The following GTF2H4 variants were observed in gnomAD, a reference collection of about 807,000 sequenced individuals.
GTF2H4 encodes the protein general transcription factor IIH subunit 4.
In GTF2H4, 49 loss-of-function variants were observed where a neutral mutation model predicts 62.2. The ratio of observed to expected loss-of-function variants is 0.79; its 90% CI spans 0.63 to 1.00. The LOEUF is 1.00. Ranked by LOEUF, GTF2H4 falls within the 50% of genes least tolerant of loss-of-function variation. The pLI, the probability that GTF2H4 is intolerant of heterozygous loss-of-function variation, is 0.00. For missense variants in GTF2H4, 479 were observed against 587.8 expected (o/e 0.81, Z 1.91); for synonymous variants, 189 against 233.8 (o/e 0.81, Z 1.75).
chr6:30,909,000 G>T lies in GTF2H4; in HGVS notation c.-3-34G>T, dbSNP rs915073164. The T allele has an allele frequency of 3.7e-6, 6 of 1,612,848 alleles. No homozygotes were observed. The African/African-American group carries it at 6.7e-5, about 18-fold the overall frequency. ...GTCAGGGGTGACACTGGCATGGATG[G>T]TGAGGTTGCACTTCTGACGTTTGCA... On this transcript the variant is annotated intron_variant, in intron 1 of 13. Coordinates refer to ENST00000259895, the MANE Select transcript of GTF2H4 (RefSeq NM_001517.5).
Position 30,914,012 on chromosome 6 carries a change from CGGGCGGGACT to C in GTF2H4, c.*37_*46del. 2 of 615,088 alleles carry C rather than the reference CGGGCGGGACT, an allele frequency of 3.3e-6. No homozygotes were observed. The highest frequency in any genetic ancestry group is 5.8e-6 in the Non-Finnish European group (2 of 346,410). 38.1% of individuals were successfully genotyped at this position (615,088 alleles called of 1,614,324 possible). The stretch of plus-strand genomic sequence containing the variant: ...CGCGGGACTTGGACACGGACCTCGG[CGGGCGGGACT>C]GGGCGGGGCGGGGCATCAGAACTCA... On this transcript the variant is annotated 3_prime_UTR_variant, in exon 14 of 14. Coordinates refer to ENST00000259895, the MANE Select transcript of GTF2H4 (RefSeq NM_001517.5).
In GTF2H4 at chr6:30,911,987, AG is replaced by A; in HGVS notation, c.826-25del. On this transcript the variant is annotated intron_variant, in intron 9 of 13. Coordinates refer to ENST00000259895, the MANE Select transcript of GTF2H4 (RefSeq NM_001517.5). This position sits in a 1 kb window ranked among gnomAD's most constrained non-coding sequence, Gnocchi z 4.3. ...ATGTAAGGCAGTGACTTCTGAGACA[AG>A]GCATCTGCCTTTCTATTCTTTTCAG... 1.9e-6 allele frequency: 3 copies of A among 1,610,952 alleles called. No individual in the cohort carries two copies. The highest frequency in any genetic ancestry group is 2.5e-6 in the Non-Finnish European group (3 of 1,179,010).
In GTF2H4 at chr6:30,911,187, C is replaced by T; in HGVS notation, c.590C>T (p.Thr197Ile). Residue 197 changes from threonine (T) to isoleucine (I), a missense_variant, in exon 7 of 14, where the codon ACT (threonine) becomes ATT (isoleucine). Transcript: ENST00000259895. The surrounding 1 kb of genome is among the most constrained non-coding windows in gnomAD (Gnocchi z 4.3). Reference sequence around the variant, plus strand: ...GAACCTGGAGAGCCGCCCTGCATTACTTCCGCTGGCTTCCAGTTCCTGTTG... The same window carrying T: ...GAACCTGGAGAGCCGCCCTGCATTATTTCCGCTGGCTTCCAGTTCCTGTTG... Reference protein sequence around the residue: ...STEPGEPPCITSAGFQFLLLD... With the variant: ...STEPGEPPCIISAGFQFLLLD... 1 of 1,613,720 alleles carries T rather than the reference C, an allele frequency of 6.2e-7. No individual in the cohort carries two copies. The highest frequency in any genetic ancestry group is 1.3e-5 in the African/African-American group (1 of 75,048).
Position 30,912,226 on chromosome 6 carries a change from T to G in GTF2H4, c.958+80T>G. On this transcript the variant is annotated intron_variant, in intron 10 of 13. Coordinates refer to ENST00000259895, the MANE Select transcript of GTF2H4 (RefSeq NM_001517.5). This position sits in a 1 kb window ranked among gnomAD's most constrained non-coding sequence, Gnocchi z 4.8. ...GTTTATGTTCGTGTTTACCTGGCAG[T>G]CTACAGAGCTCTCTGACATTTCTCA... is the stretch of plus-strand genomic sequence containing the variant. 6.2e-7 allele frequency: 1 copy of G among 1,600,086 alleles called. No homozygotes were observed. Among genetic ancestry groups the G allele is most frequent in the Non-Finnish European group, 8.5e-7 (1 of 1,171,642 alleles).
chr6:30,911,402 C>T lies in GTF2H4; in HGVS notation c.673-29C>T. On this transcript the variant is annotated intron_variant, in intron 7 of 13. Coordinates refer to ENST00000259895, the MANE Select transcript of GTF2H4 (RefSeq NM_001517.5). This position sits in a 1 kb window ranked among gnomAD's most constrained non-coding sequence, Gnocchi z 4.3. Reference sequence around the variant, plus strand: ...TCCCATTGTCTCCCTCCCATCCCTCCTCCTTTGTCTCTGCCTCTTTCTCCC... The same window carrying T: ...TCCCATTGTCTCCCTCCCATCCCTCTTCCTTTGTCTCTGCCTCTTTCTCCC... The T allele has an allele frequency of 6.3e-7, 1 of 1,598,256 alleles. No individual in the cohort carries two copies. Among genetic ancestry groups the T allele is most frequent in the South Asian group, 1.1e-5 (1 of 90,760 alleles).
Position 30,913,707 on chromosome 6 carries a change from C to A in GTF2H4, c.1217-104C>A. 1 of 1,143,064 alleles carries A rather than the reference C, an allele frequency of 8.7e-7. No homozygotes were observed. The highest frequency in any genetic ancestry group is 1.2e-6 in the Non-Finnish European group (1 of 823,610). 70.8% of individuals were successfully genotyped at this position (1,143,064 alleles called of 1,614,324 possible). On this transcript the variant is annotated intron_variant, in intron 13 of 13. Coordinates refer to ENST00000259895, the MANE Select transcript of GTF2H4 (RefSeq NM_001517.5). The surrounding 1 kb of genome is among the most constrained non-coding windows in gnomAD (Gnocchi z 4.2). The stretch of plus-strand genomic sequence containing the variant: ...AATTGCGGTGGGGGCAAGCCCAGAC[C>A]GCGTCCAGGGCTGCCACCAAGGAGC...
Position 30,912,101 on chromosome 6 carries a change from G to A in GTF2H4, c.913G>A (p.Gly305Ser), listed in dbSNP as rs1466872646. The A allele has an allele frequency of 6.2e-7, 1 of 1,612,898 alleles. No individual in the cohort carries two copies. The highest frequency in any genetic ancestry group is 1.3e-5 in the African/African-American group (1 of 74,900). Residue 305 changes from glycine (G) to serine (S), a missense_variant, in exon 10 of 14, where the codon GGT (glycine) becomes AGT (serine). Transcript: ENST00000259895. This position sits in a 1 kb window ranked among gnomAD's most constrained non-coding sequence, Gnocchi z 4.8. ...SGAGGTVHQP[G>S]FIVVETNYRL... ...AGCTGGGGGCACTGTGCATCAGCCA[G>A]GTTTCATTGTCGTGGAAACCAATTA...
rs1215141050 is a variant in GTF2H4 at position 30,912,181 on chromosome 6, T to A, written c.958+35T>A. The A allele has an allele frequency of 2.5e-6, 4 of 1,609,978 alleles. No homozygotes were observed. In the African/African-American group the frequency reaches 5.4e-5, roughly 22 times the overall value. On this transcript the variant is annotated intron_variant, in intron 10 of 13. Transcript: ENST00000259895. The surrounding 1 kb of genome is among the most constrained non-coding windows in gnomAD (Gnocchi z 4.8). ...GACAGAGGGCCCCTGGAAGAGGAGG[T>A]TGGGGGTGAGGGAATGCCAGTTTAT...
In GTF2H4 at chr6:30,912,213, G is replaced by A. The variant is rs978317779; in HGVS notation, c.958+67G>A. Reference sequence around the variant, plus strand: ...TGAGGGAATGCCAGTTTATGTTCGTGTTTACCTGGCAGTCTACAGAGCTCT... The same window carrying A: ...TGAGGGAATGCCAGTTTATGTTCGTATTTACCTGGCAGTCTACAGAGCTCT... On this transcript the variant is annotated intron_variant, in intron 10 of 13. Transcript: ENST00000259895. The surrounding 1 kb of genome is among the most constrained non-coding windows in gnomAD (Gnocchi z 4.8). The A allele has an allele frequency of 1.2e-6, 2 of 1,603,448 alleles. No individual in the cohort carries two copies. The highest frequency in any genetic ancestry group is 2.7e-5 in the African/African-American group (2 of 74,748).
chr6:30,911,152 C>G lies in GTF2H4; in HGVS notation c.561-6C>G. On this transcript the variant is annotated splice_region_variant and splice_polypyrimidine_tract_variant and intron_variant, in intron 6 of 13. Transcript: ENST00000259895. This position sits in a 1 kb window ranked among gnomAD's most constrained non-coding sequence, Gnocchi z 4.3. ...TCACCATCATTGTCCTGGTCTTTGT[C>G]TCTAGTACTGAACCTGGAGAGCCGC... 6.2e-7 allele frequency: 1 copy of G among 1,605,368 alleles called. No homozygotes were observed. Among genetic ancestry groups the G allele is most frequent in the Admixed American group, 1.7e-5 (1 of 60,014 alleles).
chr6:30,913,295 C>T lies in GTF2H4; in HGVS notation c.1138-14C>T, dbSNP rs763051048. On this transcript the variant is annotated splice_polypyrimidine_tract_variant and intron_variant, in intron 12 of 13. Transcript: ENST00000259895. The surrounding 1 kb of genome is among the most constrained non-coding windows in gnomAD (Gnocchi z 4.2). ...GTATTCTGAGTCCCTACAGTCAACC[C>T]TTGCTCCTTGCAGACACCTGTGCTG... The T allele has an allele frequency of 1.9e-6, 3 of 1,613,824 alleles. No homozygotes were observed. Among genetic ancestry groups the T allele is most frequent in the South Asian group, 1.1e-5 (1 of 91,052 alleles).
rs1182279799 is a variant in GTF2H4 at position 30,912,636 on chromosome 6, A to G, written c.1089+178A>G. 6.6e-6 allele frequency among the ~76,000 whole-genome samples: 1 copy of G among 152,202 alleles called. No individual in the cohort carries two copies. Among genetic ancestry groups the G allele is most frequent in the East Asian group, 1.9e-4 (1 of 5,202 alleles). ...AGAATAGGTAGACCCTTGAGGGGAAAAAAACATGGAGGGAGGAGGTATAGA... is the reference window on the plus strand; with the variant it reads ...AGAATAGGTAGACCCTTGAGGGGAAGAAAACATGGAGGGAGGAGGTATAGA... On this transcript the variant is annotated intron_variant, in intron 11 of 13. Transcript: ENST00000259895. The surrounding 1 kb of genome is among the most constrained non-coding windows in gnomAD (Gnocchi z 4.8).
Position 30,909,880 on chromosome 6 carries a change from GCCT to G in GTF2H4, c.243-48_243-46del. On this transcript the variant is annotated intron_variant, in intron 3 of 13. Coordinates refer to ENST00000259895, the MANE Select transcript of GTF2H4 (RefSeq NM_001517.5). This position sits in a 1 kb window ranked among gnomAD's most constrained non-coding sequence, Gnocchi z 4.3. The stretch of plus-strand genomic sequence containing the variant: ...CAGGCAGAGATGGTGGCTTTTATGG[GCCT>G]CCTTTTTGTTTTCCAAATACCCTAC... 6.4e-7 allele frequency: 1 copy of G among 1,563,802 alleles called. No homozygotes were observed. The highest frequency in any genetic ancestry group is 8.7e-7 in the Non-Finnish European group (1 of 1,155,064).
chr6:30,912,852 A>G lies in GTF2H4; in HGVS notation c.1090-258A>G, dbSNP rs1793846598. 6.6e-6 allele frequency among the ~76,000 whole-genome samples: 1 copy of G among 152,224 alleles called. No homozygotes were observed. Among genetic ancestry groups the G allele is most frequent in the African/African-American group, 2.4e-5 (1 of 41,464 alleles). ...CTGTCATGCAATAAATGCTAAAAAA[A>G]GAAAATAGTAGCTGCTGCTATTTTA... On this transcript the variant is annotated intron_variant, in intron 11 of 13. Transcript: ENST00000259895. This position sits in a 1 kb window ranked among gnomAD's most constrained non-coding sequence, Gnocchi z 4.8.
chr6:30,914,106 A>C lies in GTF2H4; in HGVS notation c.*123A>C, dbSNP rs1400609971. 9.8e-7 allele frequency: 1 copy of C among 1,024,122 alleles called. No homozygotes were observed. The highest frequency in any genetic ancestry group is 3.4e-5 in the Admixed American group (1 of 29,644). The allele number at this position is 1,024,122 out of a possible 1,614,324, so 63.4% of individuals were successfully genotyped here. The stretch of plus-strand genomic sequence containing the variant: ...GTTTAATAAAGTTATGATAGCTAGC[A>C]GTGCGGTCCCGGGCGCCTCCCCGTG... On this transcript the variant is annotated 3_prime_UTR_variant, in exon 14 of 14. Transcript: ENST00000259895.
At position 30,909,204 on chromosome 6, in the gene GTF2H4, A is replaced by G; in HGVS notation, c.137+31A>G. 1 of 1,604,492 alleles carries G rather than the reference A, an allele frequency of 6.2e-7. No homozygotes were observed. The highest frequency in any genetic ancestry group is 8.5e-7 in the Non-Finnish European group (1 of 1,174,484). On this transcript the variant is annotated intron_variant, in intron 2 of 13. Coordinates refer to ENST00000259895, the MANE Select transcript of GTF2H4 (RefSeq NM_001517.5). This position sits in a 1 kb window ranked among gnomAD's most constrained non-coding sequence, Gnocchi z 4.3. ...AAGCCCCTTCATGGCAGGGAAATGT[A>G]ATGGGGTCTGCGGAGTGGAATAAAA...
In GTF2H4 at chr6:30,910,113, A is replaced by T; in HGVS notation, c.374+50A>T. 1 of 1,595,324 alleles carries T rather than the reference A, an allele frequency of 6.3e-7. No individual in the cohort carries two copies. On this transcript the variant is annotated intron_variant, in intron 4 of 13. Transcript: ENST00000259895. The surrounding 1 kb of genome is among the most constrained non-coding windows in gnomAD (Gnocchi z 4.7). ...AGCTAGGGCAGGGGAACTGCTGCTT[A>T]TTAAACCACTAATTAAACTTTGGGA...
rs1793820892 is a variant in GTF2H4, at chr6:30,912,518, AGG to A, written c.1089+63_1089+64del. Reference sequence around the variant, plus strand: ...AGGCTGCACTTGGGCTGCGGGGGACAGGGGTCACATTATGGAAGGCTAGCTCT... The same window carrying A: ...AGGCTGCACTTGGGCTGCGGGGGACAGGTCACATTATGGAAGGCTAGCTCT... On this transcript the variant is annotated intron_variant, in intron 11 of 13. Transcript: ENST00000259895. This position sits in a 1 kb window ranked among gnomAD's most constrained non-coding sequence, Gnocchi z 4.8. 6.3e-7 allele frequency: 1 copy of A among 1,598,748 alleles called. No individual in the cohort carries two copies. Among genetic ancestry groups the A allele is most frequent in the Non-Finnish European group, 8.5e-7 (1 of 1,172,184 alleles).
chr6:30,909,372 AG>A lies in GTF2H4; in HGVS notation c.138-60del. ...AGATGAGATGTTTGAGAGGTAATTGAGGGCAGAGATGCAGATACAATGCAGC... is the reference window on the plus strand; with the variant it reads ...AGATGAGATGTTTGAGAGGTAATTGAGGCAGAGATGCAGATACAATGCAGC... On this transcript the variant is annotated intron_variant, in intron 2 of 13. Transcript: ENST00000259895. This position sits in a 1 kb window ranked among gnomAD's most constrained non-coding sequence, Gnocchi z 4.3. The A allele has an allele frequency of 7.9e-7, 1 of 1,270,910 alleles. No individual in the cohort carries two copies. Among genetic ancestry groups the A allele is most frequent in the Non-Finnish European group, 1.1e-6 (1 of 875,458 alleles). 78.7% of individuals were successfully genotyped at this position (1,270,910 alleles called of 1,614,324 possible). A position where few individuals can be genotyped will look rare whatever the true frequency, so the allele number is the denominator to read the frequency against.
Sources: gnomAD v4.1 joint callset for allele counts (sites outside exome capture counted in the v4.1 genomes callset) on GRCh38, gnomAD v4.1.1 for gene constraint, Gnocchi (gnomAD v3.1) non-coding constraint, MANE v1.5 for transcripts, NCBI Gene and HGNC (gene_info 2026-07-23, HGNC 2026-07-21) for gene names.